The following ASIC2 variants were observed in gnomAD, a reference collection of about 807,000 sequenced individuals.
ASIC2 encodes acid sensing ion channel subunit 2.
Under a neutral mutation model 57.3 loss-of-function variants are expected in ASIC2, and 25 were observed. The observed-to-expected ratio is 0.44, with a 90% CI of 0.32 to 0.61. The LOEUF (loss-of-function observed/expected upper bound fraction) is 0.61. Among genes scored for constraint, ASIC2 ranks in the 20% least tolerant of loss-of-function variants. The pLI is 0.06. For missense variants in ASIC2, 641 were observed against 738.1 expected (o/e 0.87, Z 1.52); for synonymous variants, 319 against 307.5 (o/e 1.04, Z -0.39).
At chr17:33,099,294 G>A (rs1431450974) in intron 2 of ASIC2, among the ~76,000 whole-genome samples, 4 of 152,122 alleles carry the variant, frequency 2.6e-5, no homozygotes, top group Non-Finnish European at 5.9e-5. Flanking sequence ...TGGGATTATA[G>A]TCATGAGCCA....
intron 1 of ASIC2, among the ~76,000 whole-genome samples, chr17:33,524,232 G>A (rs761919039): frequency 3.9e-5 from 6 of 152,144 alleles, no homozygotes; most frequent in South Asian, 2.1e-4. Flanking sequence ...CTGATATACC[G>A]TTGTTGGGTT....
intron 1 of ASIC2, among the ~76,000 whole-genome samples, chr17:33,886,940 AAAC>A (rs200021341): frequency 0.17 from 25,603 of 151,960 alleles, 2,268 homozygotes; most frequent in African/African-American, 0.23. Context: ...GGCAGAAAAC[AAAC>A]AAACAAACTA....
intron 1 of ASIC2, among the ~76,000 whole-genome samples, chr17:33,856,065 A>T (rs1913919383): frequency 6.6e-6 from 1 of 152,136 alleles, no homozygotes. Flanking sequence ...AAAAGTAAGC[A>T]ATGAACTATA....
chr17:33,881,622 A>T (rs1914702469), intron 1 of ASIC2, among the ~76,000 whole-genome samples: 1 of 152,218 alleles, frequency 6.6e-6, no homozygotes, highest in South Asian at 2.1e-4. Context: ...GGATACAAAC[A>T]AATGGAAGAA....
chr17:33,598,444 G>A (rs1335685943), intron 1 of ASIC2, among the ~76,000 whole-genome samples: 1 of 152,166 alleles, frequency 6.6e-6, no homozygotes, highest in Non-Finnish European at 1.5e-5. Context: ...CTTTCTGCAT[G>A]TCAGTAATTA....
intron 1 of ASIC2, among the ~76,000 whole-genome samples, chr17:33,402,762 CT>C (rs1390527068): frequency 6.6e-6 from 1 of 152,082 alleles, no homozygotes; most frequent in South Asian, 2.1e-4. Context: ...GTGTACGTAT[CT>C]TTATAATAGA....
At chr17:33,338,340 TA>T (rs2142234133) in intron 1 of ASIC2, among the ~76,000 whole-genome samples, 1 of 150,256 alleles carries the variant, frequency 6.7e-6, no homozygotes, top group African/African-American at 2.4e-5. Context: ...GAGTATTGGG[TA>T]AGACAGGGGA....
intron 1 of ASIC2, among the ~76,000 whole-genome samples, chr17:33,492,524 C>G (rs1441962740): frequency 6.6e-6 from 1 of 152,240 alleles, no homozygotes; most frequent in African/African-American, 2.4e-5. Flanking sequence ...CTCAGAAAAT[C>G]ACACTCTGAA....
chr17:34,122,472 A>G (rs965279376), intron 1 of ASIC2, among the ~76,000 whole-genome samples: 2 of 152,230 alleles, frequency 1.3e-5, no homozygotes, highest in African/African-American at 4.8e-5. Context: ...TCCACCTGCC[A>G]CTTCGATATC....
At chr17:33,101,374 A>T (rs2092211558) in intron 2 of ASIC2, among the ~76,000 whole-genome samples, 1 of 152,252 alleles carries the variant, frequency 6.6e-6, no homozygotes, top group African/African-American at 2.4e-5. Flanking sequence ...TACATAATTT[A>T]AAAATCAAGT....
At chr17:33,398,148 T>A (rs977625182) in intron 1 of ASIC2, among the ~76,000 whole-genome samples, 5 of 152,206 alleles carry the variant, frequency 3.3e-5, no homozygotes, top group Non-Finnish European at 7.3e-5. Context: ...CCATATAGTT[T>A]ACTTATATAC....
intron 1 of ASIC2, among the ~76,000 whole-genome samples, chr17:33,866,392 T>C (rs1358643071): frequency 6.6e-6 from 1 of 152,188 alleles, no homozygotes; most frequent in Non-Finnish European, 1.5e-5. Flanking sequence ...GATATCTTCA[T>C]AGTTTTCTAT....
rs866680814 is a variant in ASIC2, at chr17:33,391,992, A to G, written c.556-279925T>C. ...ATTTTTGCTTTTAAGCACTGTACTC[A>G]TGATCTCCCCAAAACCGCTCCTCTG... On this transcript the variant is annotated intron_variant, in intron 1 of 9. Coordinates refer to the ASIC2 transcript ENST00000359872. Among the ~76,000 whole-genome samples the G allele has an allele frequency of 8.5e-5, 13 of 152,214 alleles. No homozygotes were observed. The South Asian group carries it at 2.7e-3, about 32-fold the overall frequency.
intron 1 of ASIC2, among the ~76,000 whole-genome samples, chr17:33,736,396 A>G (rs1259398059): frequency 6.6e-6 from 1 of 152,162 alleles, no homozygotes; most frequent in Non-Finnish European, 1.5e-5. Flanking sequence ...GAAGGGAAAT[A>G]CATTTTCTAT....
chr17:33,884,935 G>C (rs1285915548), intron 1 of ASIC2, among the ~76,000 whole-genome samples: 1 of 152,180 alleles, frequency 6.6e-6, no homozygotes, highest in Admixed American at 6.5e-5. Context: ...AAAGTGTAAA[G>C]CACAGGGAAA....
At chr17:33,665,401 G>A (rs4795825) in intron 1 of ASIC2, among the ~76,000 whole-genome samples, 104,020 of 152,008 alleles carry the variant, frequency 0.68, 36,727 homozygotes, top group East Asian at 0.81. Context: ...TTTACTTATC[G>A]TTGGCACAGA....
intron 1 of ASIC2, among the ~76,000 whole-genome samples, chr17:33,182,637 C>A (rs79128253): frequency 6.6e-6 from 1 of 152,158 alleles, no homozygotes; most frequent in Non-Finnish European, 1.5e-5. Context: ...AGAAGCCTCT[C>A]TCTCTATCAT....
chr17:34,145,592 A>C (rs982179494), intron 1 of ASIC2, among the ~76,000 whole-genome samples: 6 of 152,140 alleles, frequency 3.9e-5, no homozygotes, highest in African/African-American at 1.4e-4. Context: ...ACTTATCTAA[A>C]CTTTTACCCA....
At chr17:33,844,223 A>G (rs1913517660) in intron 1 of ASIC2, among the ~76,000 whole-genome samples, 1 of 152,188 alleles carries the variant, frequency 6.6e-6, no homozygotes, top group Non-Finnish European at 1.5e-5. Context: ...TTATTCTTTT[A>G]AATGAATTTT....
Sources: gnomAD v4.1 joint callset for allele counts (sites outside exome capture counted in the v4.1 genomes callset) on GRCh38, gnomAD v4.1.1 for gene constraint, MANE v1.5 for transcripts, NCBI Gene and HGNC (gene_info 2026-07-23, HGNC 2026-07-21) for gene names.